The following PHF3 variants were observed in gnomAD, a reference collection of about 807,000 sequenced individuals.
PHF3 encodes PHD finger protein 3.
Under a neutral mutation model 178.4 loss-of-function variants are expected in PHF3, and 41 were observed. That is an observed-to-expected ratio of 0.23 (90% confidence interval 0.18 to 0.30). The LOEUF is 0.30. Ranked by LOEUF, PHF3 falls within the 10% of genes least tolerant of loss-of-function variation. The pLI is 1.00. For missense variants in PHF3, 2,346 were observed against 2,398.1 expected, an observed-to-expected ratio of 0.98 and a Z score of 0.45; for synonymous variants, 842 against 800.5, an observed-to-expected ratio of 1.05 and a Z score of -0.88.
intron 7 of PHF3, 29 bp downstream of exon 7, chr6:63,698,396 CAAT>C (rs2149598412): frequency 6.3e-7 from 1 of 1,587,054 alleles, no homozygotes; most frequent in East Asian, 2.2e-5. Flanking sequence ...ATAGAAGTAT[CAAT>C]AATTATGCTT....
In PHF3 at chr6:63,684,721, C is replaced by G; in HGVS notation, c.999C>G (p.Asp333Glu). 1 of 1,613,366 alleles carries G rather than the reference C, an allele frequency of 6.2e-7. No homozygotes were observed. The highest frequency in any genetic ancestry group is 8.5e-7 in the Non-Finnish European group (1 of 1,179,402). The change falls in exon 4 of 16, where the codon GAC becomes GAG. Residue 333 changes from aspartate (D) to glutamate (E), a missense_variant. Asp to Glu is a conservative substitution (Grantham distance 45). Transcript: ENST00000262043. ...CAGTAAAATTATCCCATGAAGATGA[C>G]CATATTCTTGAGGACGCTGGATCTT... ...KETVKLSHED[D>E]HILEDAGSSD...
In PHF3 at chr6:63,718,775, G is replaced by A. The variant is rs183141120; in HGVS notation, c.*5067G>A. Reference sequence around the variant, plus strand: ...CTTTATTATGAGAGAACACATGGCCGAATATGATGGGAGTGTGGTTCAGGC... The same window carrying A: ...CTTTATTATGAGAGAACACATGGCCAAATATGATGGGAGTGTGGTTCAGGC... On this transcript the variant is annotated 3_prime_UTR_variant, in exon 16 of 16. Transcript: ENST00000262043. Among the ~76,000 whole-genome samples the A allele has an allele frequency of 2.1e-3, 320 of 152,142 alleles. 1 individual carries two copies. Among genetic ancestry groups the A allele is most frequent in the Middle Eastern group, 0.014 (4 of 294 alleles).
chr6:63,712,960 C>A lies in PHF3; in HGVS notation c.5372C>A (p.Thr1791Lys), dbSNP rs947798365. ...TFTSRSTSPR[T>K]STNFSPMRPQ... ...ACTTCCAGAAGCACCAGCCCCAGAA[C>A]AAGTACAAACTTTTCACCCATGAGG... is the stretch of plus-strand genomic sequence containing the variant. Residue 1791 changes from threonine to lysine, a missense_variant, in exon 16 of 16, where the codon ACA becomes AAA. Physicochemically the swap from Thr to Lys is moderately conservative, Grantham distance 78. Coordinates refer to ENST00000262043, the MANE Select transcript of PHF3 (RefSeq NM_001370348.2). 1 of 1,613,926 alleles carries A rather than the reference C, an allele frequency of 6.2e-7. No individual in the cohort carries two copies. Among genetic ancestry groups the A allele is most frequent in the African/African-American group, 1.3e-5 (1 of 74,914 alleles).
chr6:63,677,834 A>G (rs144964978), intron 2 of PHF3, among the ~76,000 whole-genome samples: 370 of 152,328 alleles, frequency 2.4e-3, no homozygotes, highest in African/African-American at 8.3e-3. Flanking sequence ...TGTAATGCAT[A>G]TACTATATAT....
chr6:63,692,192 T>A, intron 5 of PHF3, 149 bp downstream of exon 5: 1 of 650,610 alleles, frequency 1.5e-6, no homozygotes, highest in Non-Finnish European at 2.5e-6. Flanking sequence ...GGTTTTTATT[T>A]AAAATTTTTT....
chr6:63,654,343 A>G (rs1036248150), intron 2 of PHF3, among the ~76,000 whole-genome samples: 40 of 152,234 alleles, frequency 2.6e-4, no homozygotes, highest in African/African-American at 9.6e-4. Context: ...AGATGGAAAT[A>G]CATTGGTTAA....
Position 63,722,545 on chromosome 6 carries a change from G to T in PHF3, c.*8837G>T, listed in dbSNP as rs541398571. 6.6e-6 allele frequency among the ~76,000 whole-genome samples: 1 copy of T among 152,266 alleles called. No individual in the cohort carries two copies. Among genetic ancestry groups the T allele is most frequent in the East Asian group, 1.9e-4 (1 of 5,186 alleles). On this transcript the variant is annotated 3_prime_UTR_variant, in exon 16 of 16. Transcript: ENST00000262043. ...TGAGGCATTCAGAAGAAAAGTAAAG[G>T]CAATTCTGCAAGCTTGGAAAAAGCA...
chr6:63,637,978 T>A (rs556928476), intron 1 of PHF3, among the ~76,000 whole-genome samples: 2 of 152,044 alleles, frequency 1.3e-5, no homozygotes, highest in Non-Finnish European at 2.9e-5. Context: ...TTATGCATTC[T>A]CTCTTGTTGG....
chr6:63,678,126 G>A (rs1430257322), intron 2 of PHF3, among the ~76,000 whole-genome samples: 4 of 151,978 alleles, frequency 2.6e-5, no homozygotes, highest in African/African-American at 9.7e-5. Context: ...GGGAGGCTGA[G>A]GCAGGAGAAT....
intron 11 of PHF3, among the ~76,000 whole-genome samples, chr6:63,704,991 T>C (rs1463401471): frequency 6.6e-6 from 1 of 152,230 alleles, no homozygotes; most frequent in Non-Finnish European, 1.5e-5. Context: ...TAGTGGTATC[T>C]CTCTGTTGTT....
intron 2 of PHF3, among the ~76,000 whole-genome samples, chr6:63,655,574 A>G (rs186348235): frequency 8.1e-4 from 123 of 152,284 alleles, no homozygotes; most frequent in African/African-American, 2.7e-3. Flanking sequence ...ATTTCTTTTT[A>G]TAAAAAGAAA....
rs1229711857 is a variant in PHF3, at chr6:63,723,996, G to A, written c.*10288G>A. The stretch of plus-strand genomic sequence containing the variant: ...CTAATTTTTGTATTTTGGGTAGAGC[G>A]AGGTTTTACCATGTTGGCCAGGCTG... On this transcript the variant is annotated 3_prime_UTR_variant, in exon 16 of 16. Coordinates refer to ENST00000262043, the MANE Select transcript of PHF3 (RefSeq NM_001370348.2). 2.6e-5 allele frequency among the ~76,000 whole-genome samples: 4 copies of A among 151,868 alleles called. No homozygotes were observed. In the South Asian group the frequency reaches 8.3e-4, roughly 32 times the overall value.
intron 6 of PHF3, among the ~76,000 whole-genome samples, chr6:63,696,052 A>G (rs987196725): frequency 1.3e-5 from 2 of 152,168 alleles, no homozygotes; most frequent in African/African-American, 2.4e-5. Flanking sequence ...TAAAATCTGA[A>G]ACTTGAATGC....
chr6:63,696,300 C>T (rs1767226141), intron 6 of PHF3, among the ~76,000 whole-genome samples: 1 of 152,016 alleles, frequency 6.6e-6, no homozygotes, highest in Non-Finnish European at 1.5e-5. Flanking sequence ...GAAGCAGAGC[C>T]CTTGGGAAGC....
intron 2 of PHF3, among the ~76,000 whole-genome samples, chr6:63,657,650 T>A (rs1197407624): frequency 6.6e-6 from 1 of 152,190 alleles, no homozygotes; most frequent in African/African-American, 2.4e-5. Flanking sequence ...TAGTGGCTAG[T>A]CTTGCTGTCG....
At chr6:63,650,989 A>G (rs573372218) in intron 2 of PHF3, among the ~76,000 whole-genome samples, 17 of 152,288 alleles carry the variant, frequency 1.1e-4, no homozygotes, top group Non-Finnish European at 2.4e-4. Context: ...AGTTCATTAT[A>G]TATCTTCACT....
chr6:63,691,646 C>T (rs1767004744), intron 4 of PHF3, 91 bp from the exon 5 acceptor site: 3 of 1,081,352 alleles, frequency 2.8e-6, no homozygotes, highest in East Asian at 4.8e-5. Flanking sequence ...TTCAGAAAAT[C>T]AGATATTGAA....
Position 63,722,759 on chromosome 6 carries a change from C to T in PHF3, c.*9051C>T, listed in dbSNP as rs115316645. On this transcript the variant is annotated 3_prime_UTR_variant, in exon 16 of 16. Transcript: ENST00000262043. ...CCCTCCAGAGTGCCTATTTCCACAC[C>T]TCCCTCCTGCAAATGGTGTTCTTTC... 4.3e-3 allele frequency among the ~76,000 whole-genome samples: 662 copies of T among 152,294 alleles called. No homozygotes were observed. The highest frequency in any genetic ancestry group is 6.2e-3 in the Non-Finnish European group (425 of 68,012).
chr6:63,643,153 C>CCATGTGG (rs1378456005), intron 1 of PHF3, among the ~76,000 whole-genome samples: 6 of 152,092 alleles, frequency 3.9e-5, no homozygotes, highest in African/African-American at 1.4e-4. Flanking sequence ...GTTCCATGAT[C>CCATGTGG]TAATCCAGGG....
Sources: allele counts gnomAD v4.1 joint callset (sites outside exome capture counted in the v4.1 genomes callset), GRCh38; gene constraint gnomAD v4.1.1; transcripts MANE v1.5; gene names NCBI Gene and HGNC (gene_info 2026-07-23, HGNC 2026-07-21).